MTFR2: variants seen among roughly 807,000 people sequenced by gnomAD.
MTFR2 encodes mitochondrial fission regulator 2, also known as DUF729 domain-containing protein 1.
MTFR2 carries 44 observed loss-of-function variants against 41.2 expected under a neutral mutation model. The ratio of observed to expected loss-of-function variants is 1.07; its 90% confidence interval spans 0.84 to 1.37. MTFR2 has a LOEUF of 1.37. MTFR2 is among the 40% of genes most tolerant of loss of function. The pLI, the probability that MTFR2 is intolerant of heterozygous loss-of-function variation, is 0.00. For synonymous variants in MTFR2, 141 were observed against 154.6 expected (o/e 0.91, Z 0.65); for missense variants, 452 against 459.5 (o/e 0.98, Z 0.15).
At chr6:136,240,413 T>C (rs1218917538) in intron 5 of MTFR2, among the ~76,000 whole-genome samples, 1 of 151,702 alleles carries the variant, frequency 6.6e-6, no homozygotes, top group Non-Finnish European at 1.5e-5. Context: ...ATGTTATAAA[T>C]ATACACTGTA....
chr6:136,247,522 C>A (rs899625083), intron 2 of MTFR2: 2 of 456,110 alleles, frequency 4.4e-6, no homozygotes, highest in African/African-American at 4.0e-5. Context: ...CTGTCTGTTT[C>A]TTCCAGAGTG....
At chr6:136,249,229 T>C in intron 1 of MTFR2, 76 bp from the exon 2 acceptor site, 1 of 604,608 alleles carries the variant, frequency 1.7e-6, no homozygotes. Flanking sequence ...GGAAAAGTCC[T>C]CTTGATACAC....
intron 1 of MTFR2, 147 bp downstream of exon 1, chr6:136,249,827 CTT>C (rs1398404583): frequency 6.6e-6 from 1 of 152,206 alleles, no homozygotes; most frequent in East Asian, 1.9e-4. Flanking sequence ...CCTCCTCACT[CTT>C]TTAAAATGAG....
Position 136,231,114 on chromosome 6 carries a change from G to T in MTFR2, c.*161C>A. 1.8e-6 allele frequency: 1 copy of T among 551,604 alleles called. No individual in the cohort carries two copies. The highest frequency in any genetic ancestry group is 3.0e-5 in the East Asian group (1 of 33,734). The allele number at this position is 551,604 out of a possible 1,614,324, so 34.2% of individuals were successfully genotyped here. On this transcript the variant is annotated 3_prime_UTR_variant, in exon 8 of 8. Coordinates refer to ENST00000420702, the MANE Select transcript of MTFR2 (RefSeq NM_001099286.3). ...AAAAAGGAACAAAGGAAACAAAAAT[G>T]ACAGGCATACATATTTACATAGCAA...
At chr6:136,233,647 G>C (rs576405096) in intron 6 of MTFR2, 148 bp from the exon 7 acceptor site, 1 of 641,254 alleles carries the variant, frequency 1.6e-6, no homozygotes, top group East Asian at 3.1e-5. Context: ...AGAAATTTTC[G>C]CAATGAAATA....
chr6:136,233,559 T>C (rs1779826396), intron 6 of MTFR2, 60 bp from the exon 7 acceptor site: 3 of 1,272,890 alleles, frequency 2.4e-6, no homozygotes, highest in South Asian at 1.8e-5. Flanking sequence ...TAGCTCCTTG[T>C]TGACAAACAT....
chr6:136,240,822 T>C (rs112454588), intron 5 of MTFR2, among the ~76,000 whole-genome samples: 5,558 of 151,916 alleles, frequency 0.037, 358 homozygotes, highest in African/African-American at 0.12. Flanking sequence ...CCGGGCGCGG[T>C]GGCTCACGCC....
In MTFR2 at chr6:136,247,540, A is replaced by C. The variant is rs1024286856; in HGVS notation, c.63+1497T>G. ...TCTGTTTCTTCCAGAGTGATGACAA[A>C]TATGCTGAAGTTACTTCTAACTTTA... On this transcript the variant is annotated intron_variant, in intron 2 of 7. Coordinates refer to ENST00000420702, the MANE Select transcript of MTFR2 (RefSeq NM_001099286.3). 1.1e-4 allele frequency: 49 copies of C among 456,010 alleles called. No individual in the cohort carries two copies. The Admixed American group carries it at 1.2e-3, about 11-fold the overall frequency. The allele number at this position is 456,010 out of a possible 1,614,324, so 28.2% of individuals were successfully genotyped here. A position where few individuals can be genotyped will look rare whatever the true frequency, so the allele number is the denominator to read the frequency against.
chr6:136,250,212 G>A lies in MTFR2; in HGVS notation c.-291C>T, dbSNP rs927360517. On this transcript the variant is annotated 5_prime_UTR_variant, in exon 1 of 8. Transcript: ENST00000420702. The stretch of plus-strand genomic sequence containing the variant: ...AGCCCTGGAGCCTCACGCTCAGCCA[G>A]GGTAATGTTATGGGAAGCGCGCCCC... 7 of 152,886 alleles carry A rather than the reference G, an allele frequency of 4.6e-5. No homozygotes were observed. Among genetic ancestry groups the A allele is most frequent in the African/African-American group, 1.7e-4 (7 of 41,464 alleles). 9.5% of individuals were successfully genotyped at this position (152,886 alleles called of 1,614,324 possible).
chr6:136,243,569 G>A (rs1293730230), intron 3 of MTFR2, among the ~76,000 whole-genome samples: 1 of 152,004 alleles, frequency 6.6e-6, no homozygotes, highest in Non-Finnish European at 1.5e-5. Context: ...TCAGCCAGGT[G>A]TGGTGGTGCA....
Position 136,240,985 on chromosome 6 carries a change from A to G in MTFR2, c.514+459T>C, listed in dbSNP as rs367591887. ...GGGCGCCTGTAGTCCCAGCTACTCGAGAGGCTGAGGCAGGAGAATGGCGTG... is the reference window on the plus strand; with the variant it reads ...GGGCGCCTGTAGTCCCAGCTACTCGGGAGGCTGAGGCAGGAGAATGGCGTG... On this transcript the variant is annotated intron_variant, in intron 5 of 7. Coordinates refer to ENST00000420702, the MANE Select transcript of MTFR2 (RefSeq NM_001099286.3). Among the ~76,000 whole-genome samples, 834 of 144,948 alleles carry G rather than the reference A, an allele frequency of 5.8e-3. 6 individuals are homozygous for G. The Middle Eastern group carries it at 0.079, about 14-fold the overall frequency.
intron 4 of MTFR2, 46 bp downstream of exon 4, chr6:136,242,815 G>C: frequency 6.9e-7 from 1 of 1,444,430 alleles, no homozygotes; most frequent in South Asian, 1.2e-5. Flanking sequence ...ACACATGCAA[G>C]AATTCAGTTT....
At chr6:136,246,671 A>G (rs138007037) in intron 2 of MTFR2, among the ~76,000 whole-genome samples, 69 of 152,102 alleles carry the variant, frequency 4.5e-4, no homozygotes, top group African/African-American at 1.5e-3. Context: ...CCAAGCATGG[A>G]TTTTCTGGTT....
At chr6:136,241,864 G>T (rs1780084034) in intron 4 of MTFR2, among the ~76,000 whole-genome samples, 188 bp from the exon 5 acceptor site, 1 of 151,956 alleles carries the variant, frequency 6.6e-6, no homozygotes, top group South Asian at 2.1e-4. Flanking sequence ...ATCACCTGAG[G>T]CCAGGAGTTC....
intron 2 of MTFR2, among the ~76,000 whole-genome samples, chr6:136,245,627 C>T (rs1780193832): frequency 6.6e-6 from 1 of 152,186 alleles, no homozygotes; most frequent in Non-Finnish European, 1.5e-5. Context: ...CCGCCGGTCT[C>T]AGCTGTTAAA....
At chr6:136,237,402 G>A (rs1046325775) in intron 6 of MTFR2, among the ~76,000 whole-genome samples, 1 of 152,144 alleles carries the variant, frequency 6.6e-6, no homozygotes, top group African/African-American at 2.4e-5. Flanking sequence ...AGTAATTCAA[G>A]AACAGAGGAA....
rs370495314 is a variant in MTFR2, at chr6:136,239,779, G to A, written c.556C>T (p.Leu186=). The part of the protein sequence containing the change: ...LSDERISLGQ[L]SSSRAAHLSV... ...AGATGGGCAGCCCGCGATGATGACA[G>A]CTGACCCAAACTAATGCGCTCGTCA... The change falls in exon 6 of 8, where the codon CTG becomes TTG. Residue 186 remains leucine (L), a synonymous_variant. Transcript: ENST00000420702. The A allele has an allele frequency of 9.3e-6, 15 of 1,613,658 alleles. No homozygotes were observed. The Admixed American group carries it at 2.5e-4, about 27-fold the overall frequency.
At position 136,239,463 on chromosome 6, in the gene MTFR2, T is replaced by C; in HGVS notation, c.869+3A>G. 1 of 1,584,528 alleles carries C rather than the reference T, an allele frequency of 6.3e-7. No individual in the cohort carries two copies. The highest frequency in any genetic ancestry group is 8.6e-7 in the Non-Finnish European group (1 of 1,160,856). On this transcript the variant is annotated splice_donor_region_variant and intron_variant, in intron 6 of 7. Coordinates refer to ENST00000420702, the MANE Select transcript of MTFR2 (RefSeq NM_001099286.3). ...GTTCACTTTTCAAATTACAACAACA[T>C]ACCGCTCAATTGCACGAAGCTTAAC...
In MTFR2 at chr6:136,249,194, A is replaced by C. The variant is rs569987056; in HGVS notation, c.-54-41T>G. 2.3e-5 allele frequency: 22 copies of C among 944,390 alleles called. No individual in the cohort carries two copies. The African/African-American group carries it at 3.8e-4, about 16-fold the overall frequency. The allele number at this position is 944,390 out of a possible 1,614,324, so 58.5% of individuals were successfully genotyped here. On this transcript the variant is annotated intron_variant, in intron 1 of 7. Transcript: ENST00000420702. ...TAGAAAATGTTACTCTTGACAAATA[A>C]ATGCCAAATTGTACTACATAACCTG...
Sources: allele counts gnomAD v4.1 joint callset (sites outside exome capture counted in the v4.1 genomes callset), GRCh38; gene constraint gnomAD v4.1.1; transcripts MANE v1.5; gene names NCBI Gene and HGNC (gene_info 2026-07-23, HGNC 2026-07-21).